PEX14: variants seen among roughly 807,000 people sequenced by gnomAD.
PEX14 encodes the protein peroxisomal biogenesis factor 14.
In PEX14, 15 loss-of-function variants were observed where a neutral mutation model predicts 49.5. The observed-to-expected ratio is 0.30, with a 90% CI of 0.20 to 0.47. The LOEUF (loss-of-function observed/expected upper bound fraction) is 0.47, where lower values mean the gene tolerates loss of function less well. Among genes scored for constraint, PEX14 ranks in the 20% least tolerant of loss-of-function variants. The probability of loss-of-function intolerance (pLI) is 1.00; values close to 1 mark genes in which losing one functional copy is unlikely to be tolerated. For missense variants in PEX14, 398 were observed against 494.8 expected (o/e 0.80, Z 1.86); for synonymous variants, 210 against 212.7 (o/e 0.99, Z 0.11).
intron 4 of PEX14, among the ~76,000 whole-genome samples, chr1:10,601,573 G>A (rs1345442494): frequency 1.3e-5 from 2 of 152,228 alleles, no homozygotes; most frequent in African/African-American, 2.4e-5. Flanking sequence ...GGAGGCCAGG[G>A]AGTGTGTGCT....
intron 2 of PEX14, among the ~76,000 whole-genome samples, chr1:10,498,584 C>T (rs910325441): frequency 2.0e-5 from 3 of 152,158 alleles, no homozygotes; most frequent in East Asian, 3.8e-4. Context: ...AGTAGTGAGG[C>T]TGCGTGTTTC....
intron 7 of PEX14, 79 bp downstream of exon 7, chr1:10,624,516 C>T: frequency 5.1e-6 from 5 of 988,030 alleles, no homozygotes; most frequent in Non-Finnish European, 8.2e-6. Context: ...TTGGGCCGGG[C>T]TTGCCACCTT....
intron 4 of PEX14, among the ~76,000 whole-genome samples, chr1:10,610,194 C>G (rs1641239175): frequency 1.3e-5 from 2 of 148,422 alleles, no homozygotes; most frequent in South Asian, 4.2e-4. Context: ...TTTTTGCATC[C>G]TAAGAAGCCT....
chr1:10,594,252 G>A (rs1640762804), intron 3 of PEX14, among the ~76,000 whole-genome samples: 1 of 152,080 alleles, frequency 6.6e-6, no homozygotes, highest in African/African-American at 2.4e-5. Flanking sequence ...TTTAATTTGG[G>A]AAGTATTTTT....
intron 1 of PEX14, among the ~76,000 whole-genome samples, chr1:10,485,991 C>CGG (rs978139882): frequency 2.0e-5 from 3 of 151,918 alleles, no homozygotes; most frequent in Admixed American, 1.3e-4. Context: ...CTCCTGACCT[C>CGG]AGGTGATCTG....
intron 2 of PEX14, among the ~76,000 whole-genome samples, chr1:10,507,016 T>G (rs1641794792): frequency 6.6e-6 from 1 of 152,254 alleles, no homozygotes; most frequent in Non-Finnish European, 1.5e-5. Flanking sequence ...AATTACTAGC[T>G]CCGATCACAT....
At chr1:10,608,911 G>A (rs1370145017) in intron 4 of PEX14, among the ~76,000 whole-genome samples, 2 of 152,092 alleles carry the variant, frequency 1.3e-5, no homozygotes, top group African/African-American at 2.4e-5. Flanking sequence ...CCCATTTACT[G>A]TTAATCCCTC....
rs927373211 is a variant in PEX14, at chr1:10,477,661, A to G, written c.36+2659A>G. Among the ~76,000 whole-genome samples the G allele has an allele frequency of 3.3e-4, 50 of 152,204 alleles. 1 individual carries two copies. Among genetic ancestry groups the G allele is most frequent in the African/African-American group, 1.2e-3 (49 of 41,452 alleles). ...TCAATCTCTGGTTTCCAGCTATTAAAGGTGAATAACCTTCTCTTCCCTTGA... is the reference window on the plus strand; with the variant it reads ...TCAATCTCTGGTTTCCAGCTATTAAGGGTGAATAACCTTCTCTTCCCTTGA... On this transcript the variant is annotated intron_variant, in intron 1 of 8. Coordinates refer to ENST00000356607, the MANE Select transcript of PEX14 (RefSeq NM_004565.3).
intron 7 of PEX14, among the ~76,000 whole-genome samples, chr1:10,625,828 G>A (rs1014747348): frequency 3.3e-5 from 5 of 152,214 alleles, no homozygotes; most frequent in East Asian, 1.9e-4. Flanking sequence ...GTGGGGGCCC[G>A]GGATGTGCTT....
At position 10,519,505 on chromosome 1, in the gene PEX14, T is replaced by C. The variant is rs75243165; in HGVS notation, c.85-16708T>C. Among the ~76,000 whole-genome samples the C allele has an allele frequency of 4.6e-5, 7 of 152,290 alleles. No individual in the cohort carries two copies. The East Asian group carries it at 1.4e-3, about 29-fold the overall frequency. ...TGTCTCAGGGAATGGTGCGCTGGGT[T>C]ATAATAGGATGCCTTATTACAAAAA... On this transcript the variant is annotated intron_variant, in intron 2 of 8. Transcript: ENST00000356607.
intron 2 of PEX14, among the ~76,000 whole-genome samples, chr1:10,526,333 C>T (rs914092138): frequency 2.0e-5 from 3 of 151,870 alleles, no homozygotes; most frequent in Non-Finnish European, 4.4e-5. Flanking sequence ...ATTCTCCTGC[C>T]TTAGCTTCCC....
chr1:10,567,655 G>A (rs912693432), intron 3 of PEX14, among the ~76,000 whole-genome samples: 5 of 151,846 alleles, frequency 3.3e-5, no homozygotes, highest in Admixed American at 6.6e-5. Flanking sequence ...CCACCACGCC[G>A]GGCTAATTTT....
At chr1:10,577,564 T>TA (rs1640182522) in intron 3 of PEX14, among the ~76,000 whole-genome samples, 1 of 2,492 alleles carries the variant, frequency 4.0e-4, no homozygotes, top group African/African-American at 1.3e-3. Flanking sequence ...ATATATATAT[T>TA]TTTTTTTTTT....
intron 2 of PEX14, among the ~76,000 whole-genome samples, chr1:10,534,049 G>A (rs891788642): frequency 1.3e-5 from 2 of 152,180 alleles, no homozygotes; most frequent in African/African-American, 4.8e-5. Context: ...ATTTTGGAAG[G>A]ATGAAGGAAA....
chr1:10,571,327 T>TA (rs147342403), intron 3 of PEX14, among the ~76,000 whole-genome samples: 46 of 117,684 alleles, frequency 3.9e-4, no homozygotes, highest in African/African-American at 8.0e-4. Context: ...TTTTCTGTAT[T>TA]AAAAAAAAAT....
chr1:10,551,948 C>A (rs1356563308), intron 3 of PEX14, among the ~76,000 whole-genome samples: 1 of 151,920 alleles, frequency 6.6e-6, no homozygotes, highest in African/African-American at 2.4e-5. Context: ...CAAAAATTAG[C>A]CGGGTGTGGT....
intron 3 of PEX14, among the ~76,000 whole-genome samples, chr1:10,541,054 G>A (rs1407615359): frequency 1.3e-5 from 2 of 152,130 alleles, no homozygotes; most frequent in East Asian, 3.8e-4. Flanking sequence ...CGTTATAGAC[G>A]ACCAGAGGAA....
intron 3 of PEX14, among the ~76,000 whole-genome samples, chr1:10,598,144 C>T (rs957989472): frequency 3.9e-5 from 6 of 152,176 alleles, no homozygotes; most frequent in African/African-American, 1.2e-4. Context: ...TGTTGCGGCT[C>T]GCTTGGATGT....
intron 2 of PEX14, among the ~76,000 whole-genome samples, chr1:10,532,035 T>C (rs1638664111): frequency 6.6e-6 from 1 of 152,230 alleles, no homozygotes; most frequent in African/African-American, 2.4e-5. Context: ...TAACAGCACA[T>C]AGTTCATAGT....
Sources: allele counts gnomAD v4.1 joint callset (sites outside exome capture counted in the v4.1 genomes callset), GRCh38; gene constraint gnomAD v4.1.1; transcripts MANE v1.5; gene names NCBI Gene and HGNC (gene_info 2026-07-23, HGNC 2026-07-21).